DMD: variants seen among roughly 807,000 people sequenced by gnomAD.
DMD encodes the protein mutant dystrophin.
DMD carries 63 observed loss-of-function variants against 330.1 expected under a neutral mutation model. That is an observed-to-expected ratio of 0.19 (90% CI 0.16 to 0.24). DMD has a LOEUF of 0.24. Among genes scored for constraint, DMD ranks in the 10% least tolerant of loss-of-function variants. The pLI is 1.00. For synonymous variants in DMD, 1,223 were observed against 959.8 expected (o/e 1.27, Z -5.07); for missense variants, 3,344 against 2,684.1 (o/e 1.25, Z -5.43).
intron 41 of DMD, among the ~76,000 whole-genome samples, chrX:32,338,558 CT>C (rs2097726300): frequency 9.0e-6 from 1 of 111,019 alleles, no homozygotes; most frequent in African/African-American, 3.3e-5. Flanking sequence ...ACTTAATATC[CT>C]TTGGTGATTA....
chrX:31,861,134 A>G (rs2093690629), intron 48 of DMD, among the ~76,000 whole-genome samples: 1 of 112,236 alleles, frequency 8.9e-6, no homozygotes, highest in African/African-American at 3.2e-5. Flanking sequence ...AACATTGGCA[A>G]AAAACAAAAA....
At chrX:31,285,294 C>A (rs1365971132) in intron 62 of DMD, among the ~76,000 whole-genome samples, 1 of 112,153 alleles carries the variant, frequency 8.9e-6, no homozygotes, top group East Asian at 2.8e-4. Flanking sequence ...GGCCCCAAGC[C>A]ATCTGTTTTT....
At chrX:33,010,261 A>T (rs184548630) in intron 2 of DMD, among the ~76,000 whole-genome samples, 1,173 of 52,374 alleles carry the variant, frequency 0.022, 18 homozygotes, top group African/African-American at 0.058. Flanking sequence ...TATATGTACA[A>T]ATATGTGTGT....
rs1346418702 is a variant in DMD at position 32,052,425 on chromosome X, T to C, written c.6439-83911A>G. ...ACCTTATCACCCCTTAATTCAAAATTGATTGTGCTCTCTATTCTAGACTTC... is the reference window on the plus strand; with the variant it reads ...ACCTTATCACCCCTTAATTCAAAATCGATTGTGCTCTCTATTCTAGACTTC... On this transcript the variant is annotated intron_variant, in intron 44 of 78. Coordinates refer to ENST00000357033, the MANE Select transcript of DMD (RefSeq NM_004006.3). 6.3e-5 allele frequency among the ~76,000 whole-genome samples: 7 copies of C among 111,561 alleles called. No individual in the cohort carries two copies. In the East Asian group the frequency reaches 2.0e-3, roughly 32 times the overall value.
intron 1 of DMD, among the ~76,000 whole-genome samples, chrX:33,263,998 T>G (rs1320274243): frequency 9.0e-6 from 1 of 111,280 alleles, no homozygotes; most frequent in African/African-American, 3.3e-5. Context: ...ACAAGTCTAC[T>G]GGAAGACTTT....
At chrX:32,848,688 A>G (rs1006296948) in intron 3 of DMD, among the ~76,000 whole-genome samples, 2 of 111,535 alleles carry the variant, frequency 1.8e-5, no homozygotes, top group African/African-American at 3.3e-5. Flanking sequence ...ACTAAAAACA[A>G]GACAAAAATG....
At chrX:32,337,409 C>T (rs993582813) in intron 41 of DMD, among the ~76,000 whole-genome samples, 7 of 108,703 alleles carry the variant, frequency 6.4e-5, no homozygotes, top group Non-Finnish European at 1.1e-4. Flanking sequence ...AAATGTTAAA[C>T]ATCAAGATCA....
intron 2 of DMD, among the ~76,000 whole-genome samples, chrX:33,012,214 G>T (rs183624345): frequency 9.0e-6 from 1 of 111,513 alleles, no homozygotes; most frequent in African/African-American, 3.2e-5. Context: ...TGCAAAGATT[G>T]TTTCAGGAAA....
intron 17 of DMD, among the ~76,000 whole-genome samples, chrX:32,533,861 G>C (rs2047703226): frequency 9.0e-6 from 1 of 111,711 alleles, no homozygotes; most frequent in African/African-American, 3.3e-5. Flanking sequence ...AGGTCCTTGA[G>C]TTTAAGAGAA....
chrX:32,876,984 A>G (rs1354271909), intron 2 of DMD, among the ~76,000 whole-genome samples: 1 of 112,574 alleles, frequency 8.9e-6, no homozygotes, highest in African/African-American at 3.2e-5. Flanking sequence ...GCCAATTAAA[A>G]TCAAATAATA....
intron 2 of DMD, among the ~76,000 whole-genome samples, chrX:32,905,159 T>C (rs2086631174): frequency 8.9e-6 from 1 of 111,866 alleles, no homozygotes; most frequent in Admixed American, 9.5e-5. Flanking sequence ...TTGTTACTGA[T>C]TAGAGATGCA....
chrX:32,507,872 G>C (rs2044793152), intron 18 of DMD, among the ~76,000 whole-genome samples: 1 of 110,874 alleles, frequency 9.0e-6, no homozygotes, highest in African/African-American at 3.3e-5. Context: ...GTATATCAAA[G>C]GTCATCATAT....
intron 2 of DMD, among the ~76,000 whole-genome samples, chrX:32,968,060 C>A (rs1227683198): frequency 8.9e-6 from 1 of 111,870 alleles, no homozygotes; most frequent in East Asian, 2.8e-4. Flanking sequence ...GGTCTTCGTT[C>A]ATCTTTGTAT....
chrX:32,365,628 G>A (rs2097851797), intron 34 of DMD, among the ~76,000 whole-genome samples: 1 of 111,134 alleles, frequency 9.0e-6, no homozygotes, highest in Non-Finnish European at 1.9e-5. Flanking sequence ...TTTGGCATCT[G>A]TTGAAGCTTA....
At chrX:32,865,813 C>T (rs1044376162) in intron 2 of DMD, among the ~76,000 whole-genome samples, 3 of 112,597 alleles carry the variant, frequency 2.7e-5, no homozygotes, top group African/African-American at 9.7e-5. Flanking sequence ...GGCAAGGAAG[C>T]CATACTGTCC....
intron 1 of DMD, among the ~76,000 whole-genome samples, chrX:33,229,271 A>C (rs771642984): frequency 5.4e-5 from 6 of 111,435 alleles, no homozygotes; most frequent in African/African-American, 1.9e-4. Context: ...AAGTGTAAAA[A>C]GTCTTTGCCT....
At chrX:31,260,048 T>G (rs2050357696) in intron 63 of DMD, among the ~76,000 whole-genome samples, 1 of 111,664 alleles carries the variant, frequency 9.0e-6, no homozygotes, top group Non-Finnish European at 1.9e-5. Context: ...GGCAACATAG[T>G]GAGACCCATC....
At chrX:31,547,556 C>T (rs2147707614) in intron 55 of DMD, among the ~76,000 whole-genome samples, 2 of 111,920 alleles carry the variant, frequency 1.8e-5, no homozygotes, top group East Asian at 5.6e-4. Flanking sequence ...CCTGTACTCT[C>T]TTAGTCTGGT....
chrX:32,765,232 G>C (rs1174206632), intron 7 of DMD, among the ~76,000 whole-genome samples: 1 of 110,880 alleles, frequency 9.0e-6, no homozygotes, highest in East Asian at 2.8e-4. Context: ...GTTGGAGTTG[G>C]TGTCTGGTGG....
Sources: allele counts gnomAD v4.1 joint callset (sites outside exome capture counted in the v4.1 genomes callset), GRCh38; gene constraint gnomAD v4.1.1; transcripts MANE v1.5; gene names NCBI Gene and HGNC (gene_info 2026-07-23, HGNC 2026-07-21).